Variants in ARB2A observed in about 807,000 individuals in gnomAD.
The protein encoded by ARB2A is cotranscriptional regulator ARB2A.
the ARB2A span, among the ~76,000 whole-genome samples, chr5:93,942,619 TAA>T: frequency 1.3e-5 from 2 of 151,904 alleles, no homozygotes; most frequent in East Asian, 3.9e-4. Context: ...TAGAAATAGT[TAA>T]GTCAATAACT....
chr5:94,031,884 C>T, the ARB2A span, among the ~76,000 whole-genome samples: 3 of 152,206 alleles, frequency 2.0e-5, no homozygotes, highest in African/African-American at 7.2e-5. Flanking sequence ...TGGCACAATG[C>T]CATGGCTCAA....
the ARB2A span, among the ~76,000 whole-genome samples, chr5:94,002,864 A>G: frequency 6.6e-6 from 1 of 152,132 alleles, no homozygotes; most frequent in African/African-American, 2.4e-5. Context: ...CATCCTAAAC[A>G]TACACTCATA....
chr5:93,925,067 G>C, the ARB2A span, among the ~76,000 whole-genome samples: 1 of 151,654 alleles, frequency 6.6e-6, no homozygotes, highest in Non-Finnish European at 1.5e-5. Flanking sequence ...TTTTCAAAAG[G>C]TATGGTCATT....
At chr5:93,945,286 T>G in the ARB2A span, among the ~76,000 whole-genome samples, 1 of 152,002 alleles carries the variant, frequency 6.6e-6, no homozygotes, top group African/African-American at 2.4e-5. Flanking sequence ...TGGTGGCAGG[T>G]GCCTGTAATC....
At chr5:94,067,555 T>A in the ARB2A span, among the ~76,000 whole-genome samples, 1 of 151,968 alleles carries the variant, frequency 6.6e-6, no homozygotes. Context: ...GCTGAGAAAG[T>A]GATCAAAAAG....
chr5:93,743,574 T>C, the ARB2A span: 6 of 985,010 alleles, frequency 6.1e-6, no homozygotes, highest in South Asian at 2.8e-4. Flanking sequence ...AATCAGTATC[T>C]GCCAAACGGA....
At chr5:94,017,532 G>C in the ARB2A span, among the ~76,000 whole-genome samples, 1 of 152,180 alleles carries the variant, frequency 6.6e-6, no homozygotes, top group Admixed American at 6.5e-5. Flanking sequence ...GATGGGGAAT[G>C]CTTCCCATAC....
the ARB2A span, among the ~76,000 whole-genome samples, chr5:93,704,591 G>A: frequency 6.6e-6 from 1 of 152,058 alleles, no homozygotes; most frequent in Non-Finnish European, 1.5e-5. Context: ...CAAACAAACA[G>A]AAAACCCCAA....
chr5:93,859,895 T>C, the ARB2A span, among the ~76,000 whole-genome samples: 2 of 152,178 alleles, frequency 1.3e-5, no homozygotes, highest in African/African-American at 2.4e-5. Context: ...TGGGAAACAA[T>C]TTGATATTAC....
the ARB2A span, among the ~76,000 whole-genome samples, chr5:93,857,200 G>A: frequency 1.3e-5 from 2 of 152,146 alleles, no homozygotes; most frequent in African/African-American, 2.4e-5. Context: ...CTACTGGGTG[G>A]TGCCTCCCAG....
the ARB2A span, among the ~76,000 whole-genome samples, chr5:93,921,596 A>C: frequency 6.6e-6 from 1 of 152,150 alleles, no homozygotes; most frequent in African/African-American, 2.4e-5. Flanking sequence ...CTGGAAAAAA[A>C]AAATGCCACA....
chr5:94,097,762 GC>G, the ARB2A span, among the ~76,000 whole-genome samples: 2 of 151,398 alleles, frequency 1.3e-5, no homozygotes, highest in Non-Finnish European at 2.9e-5. Flanking sequence ...GCACACACCC[GC>G]CCACAGCCTC....
At chr5:93,920,836 G>C in the ARB2A span, among the ~76,000 whole-genome samples, 2 of 152,090 alleles carry the variant, frequency 1.3e-5, no homozygotes, top group Admixed American at 1.3e-4. Flanking sequence ...CTCAAGTGTT[G>C]TGAATGTCCC....
At chr5:93,892,360 C>A in the ARB2A span, among the ~76,000 whole-genome samples, 1 of 152,270 alleles carries the variant, frequency 6.6e-6, no homozygotes, top group East Asian at 1.9e-4. Flanking sequence ...ATATGAGATG[C>A]AGAGTTCACT....
chr5:93,829,611 AC>A, the ARB2A span, among the ~76,000 whole-genome samples: 1 of 152,202 alleles, frequency 6.6e-6, no homozygotes, highest in East Asian at 1.9e-4. Context: ...TAAATGAATA[AC>A]AAAACCACAA....
At chr5:93,921,618 T>C in the ARB2A span, among the ~76,000 whole-genome samples, 1 of 152,148 alleles carries the variant, frequency 6.6e-6, no homozygotes, top group African/African-American at 2.4e-5. Context: ...AAGACATTTA[T>C]TAGTAAGGAA....
chr5:93,834,963 C>A, the ARB2A span, among the ~76,000 whole-genome samples: 4 of 152,164 alleles, frequency 2.6e-5, no homozygotes, highest in Admixed American at 2.6e-4. Context: ...CATTAGAGTG[C>A]ATTTTGTATT....
the ARB2A span, among the ~76,000 whole-genome samples, chr5:93,765,580 T>C: frequency 3.3e-5 from 5 of 152,278 alleles, no homozygotes; most frequent in South Asian, 1.0e-3. Context: ...TCCATGCTCA[T>C]GGGTAGGAAG....
chr5:93,757,397 A>G, the ARB2A span, among the ~76,000 whole-genome samples: 1 of 152,186 alleles, frequency 6.6e-6, no homozygotes, highest in East Asian at 1.9e-4. Flanking sequence ...AATTCATCAC[A>G]AAAAAGTTCT....
Sources: gnomAD v4.1 joint callset for allele counts (sites outside exome capture counted in the v4.1 genomes callset) on GRCh38, gnomAD v4.1.1 for gene constraint, MANE v1.5 for transcripts, NCBI Gene and HGNC (gene_info 2026-07-23, HGNC 2026-07-21) for gene names.